ASTN1: variants seen among roughly 807,000 people sequenced by gnomAD.
The protein encoded by ASTN1 is astrotactin 1.
ASTN1 carries 41 observed loss-of-function variants against 140.7 expected under a neutral mutation model. That is an observed-to-expected ratio of 0.29 (90% CI 0.23 to 0.38). ASTN1 has a LOEUF of 0.38. Among genes scored for constraint, ASTN1 ranks in the 10% least tolerant of loss-of-function variants. The pLI is 1.00. For synonymous variants in ASTN1, 640 were observed against 652.2 expected (o/e 0.98, Z 0.29); for missense variants, 1,479 against 1,678.8 (o/e 0.88, Z 2.08).
At chr1:176,998,583 A>C (rs549528017) in intron 8 of ASTN1, among the ~76,000 whole-genome samples, 10 of 152,116 alleles carry the variant, frequency 6.6e-5, no homozygotes, top group Non-Finnish European at 1.2e-4. Context: ...TGGAGAGAAG[A>C]TCATTACACA....
chr1:176,886,954 A>G (rs1669053659), intron 18 of ASTN1, among the ~76,000 whole-genome samples: 1 of 152,184 alleles, frequency 6.6e-6, no homozygotes, highest in Non-Finnish European at 1.5e-5. Context: ...TAGAGGCTAC[A>G]AGGGATTCTT....
In ASTN1 at chr1:176,862,460, C is replaced by T; in HGVS notation, c.*1824G>A. The T allele has an allele frequency of 1.0e-6, 1 of 985,410 alleles. No individual in the cohort carries two copies. Among genetic ancestry groups the T allele is most frequent in the Non-Finnish European group, 1.2e-6 (1 of 829,976 alleles). 61.0% of individuals were successfully genotyped at this position (985,410 alleles called of 1,614,324 possible). A position where few individuals can be genotyped will look rare whatever the true frequency, so the allele number is the denominator to read the frequency against. ...CCTCCTCCTTCCACTGCACAGAGGA[C>T]ATGTCCATGCCACAGATGCTTGGGA... On this transcript the variant is annotated 3_prime_UTR_variant, in exon 23 of 23. Transcript: ENST00000361833.
At position 177,164,401 on chromosome 1, in the gene ASTN1, G is replaced by A. The variant is rs762270867; in HGVS notation, c.276C>T (p.Phe92=). 1 of 1,596,820 alleles carries A rather than the reference G, an allele frequency of 6.3e-7. No individual in the cohort carries two copies. The highest frequency in any genetic ancestry group is 1.7e-5 in the Admixed American group (1 of 57,966). ...DDLENTELPY[F]VLEISGNTED... ...ACCTCCCCCGGGACTCACCCAGCAC[G>A]AAGTAGGGCAGCTCCGTGTTCTCCA... Residue 92 remains phenylalanine, a synonymous_variant, in exon 1 of 23, where the codon TTC becomes TTT. Coordinates refer to ENST00000361833, the MANE Select transcript of ASTN1 (RefSeq NM_004319.3).
At chr1:177,069,035 G>A (rs1398976685) in intron 1 of ASTN1, among the ~76,000 whole-genome samples, 1 of 151,814 alleles carries the variant, frequency 6.6e-6, no homozygotes, top group African/African-American at 2.4e-5. Flanking sequence ...TGCCCAGGCT[G>A]GTCACAATAT....
At chr1:176,868,634 C>G (rs1212196911) in intron 22 of ASTN1, among the ~76,000 whole-genome samples, 1 of 152,014 alleles carries the variant, frequency 6.6e-6, no homozygotes, top group East Asian at 1.9e-4. Flanking sequence ...TTTCAGAGTT[C>G]AGGAAAAGCA....
At chr1:177,006,007 T>G (rs1223535256) in intron 8 of ASTN1, among the ~76,000 whole-genome samples, 1 of 152,212 alleles carries the variant, frequency 6.6e-6, no homozygotes, top group African/African-American at 2.4e-5. Context: ...ATGTGCAGGA[T>G]GCTAGATGGT....
intron 15 of ASTN1, among the ~76,000 whole-genome samples, chr1:176,935,757 C>A (rs1467681788): frequency 6.6e-6 from 1 of 151,848 alleles, no homozygotes; most frequent in Non-Finnish European, 1.5e-5. Context: ...TTCTCTCTCT[C>A]TCTTTCTCTC....
intron 8 of ASTN1, among the ~76,000 whole-genome samples, chr1:176,993,334 G>A (rs538040537): frequency 6.6e-6 from 1 of 152,322 alleles, no homozygotes; most frequent in South Asian, 2.1e-4. Context: ...TAGTTATACT[G>A]TCTTGAATTT....
intron 2 of ASTN1, among the ~76,000 whole-genome samples, chr1:177,036,167 C>T (rs1676710199): frequency 6.6e-6 from 1 of 150,398 alleles, no homozygotes; most frequent in South Asian, 2.1e-4. Context: ...TCTCCTGCCT[C>T]AGCCTCCTGA....
chr1:177,109,961 C>A (rs1680741325), intron 1 of ASTN1, among the ~76,000 whole-genome samples: 1 of 152,190 alleles, frequency 6.6e-6, no homozygotes, highest in African/African-American at 2.4e-5. Flanking sequence ...CTGAAGGCAT[C>A]TTTCATCTTT....
intron 2 of ASTN1, among the ~76,000 whole-genome samples, chr1:177,043,037 G>A (rs1677052519): frequency 6.6e-6 from 1 of 152,214 alleles, no homozygotes; most frequent in African/African-American, 2.4e-5. Flanking sequence ...TATGGCCAAG[G>A]AGGGTCACAC....
At chr1:176,956,816 G>C (rs900602225) in intron 11 of ASTN1, among the ~76,000 whole-genome samples, 2 of 152,204 alleles carry the variant, frequency 1.3e-5, no homozygotes, top group Admixed American at 1.3e-4. Context: ...CCATTTCCCT[G>C]CATGGCGCAG....
At chr1:176,981,968 G>C (rs1673640433) in intron 8 of ASTN1, among the ~76,000 whole-genome samples, 1 of 152,152 alleles carries the variant, frequency 6.6e-6, no homozygotes, top group African/African-American at 2.4e-5. Flanking sequence ...CTGTTACATT[G>C]TGCCAAATAA....
intron 12 of ASTN1, among the ~76,000 whole-genome samples, chr1:176,946,446 T>A (rs1386074422): frequency 1.3e-5 from 2 of 152,170 alleles, no homozygotes; most frequent in African/African-American, 2.4e-5. Context: ...AGCTTGCAAA[T>A]GAGTTAGCAC....
chr1:177,137,415 G>A (rs746478707), intron 1 of ASTN1, among the ~76,000 whole-genome samples: 1 of 152,178 alleles, frequency 6.6e-6, no homozygotes, highest in Non-Finnish European at 1.5e-5. Flanking sequence ...AAAGAAAAGA[G>A]TTCAAGGATA....
At chr1:176,939,699 G>GT (rs1468522906) in intron 14 of ASTN1, among the ~76,000 whole-genome samples, 1 of 151,274 alleles carries the variant, frequency 6.6e-6, no homozygotes. Flanking sequence ...CTCTGACTAT[G>GT]TTTTTTCAAG....
chr1:177,157,758 T>C (rs537107381), intron 1 of ASTN1, among the ~76,000 whole-genome samples: 1 of 152,326 alleles, frequency 6.6e-6, no homozygotes, highest in Admixed American at 6.5e-5. Flanking sequence ...AACACTCGTA[T>C]TTTATTTTGT....
At chr1:176,945,063 T>A (rs1411160115) in intron 13 of ASTN1, among the ~76,000 whole-genome samples, 3 of 152,110 alleles carry the variant, frequency 2.0e-5, no homozygotes, top group Non-Finnish European at 4.4e-5. Flanking sequence ...CTCATCATCA[T>A]CTCCCAGAAA....
At chr1:177,084,801 T>C (rs1402142742) in intron 1 of ASTN1, among the ~76,000 whole-genome samples, 2 of 152,212 alleles carry the variant, frequency 1.3e-5, no homozygotes, top group Non-Finnish European at 2.9e-5. Context: ...TTAGCTTTTC[T>C]TACTGCCTTC....
Sources: allele counts gnomAD v4.1 joint callset (sites outside exome capture counted in the v4.1 genomes callset), GRCh38; gene constraint gnomAD v4.1.1; transcripts MANE v1.5; gene names NCBI Gene and HGNC (gene_info 2026-07-23, HGNC 2026-07-21).